ANO4: variants seen among roughly 807,000 people sequenced by gnomAD.
The protein encoded by ANO4 is anoctamin-4.
ANO4 carries 69 observed loss-of-function variants against 141.9 expected under a neutral mutation model. The observed-to-expected ratio is 0.49, with a 90% CI of 0.40 to 0.59. The LOEUF (loss-of-function observed/expected upper bound fraction) is 0.59, where lower values mean the gene tolerates loss of function less well. Among genes scored for constraint, ANO4 ranks in the 20% least tolerant of loss-of-function variants. The pLI is 0.00. For missense variants in ANO4, 894 were observed against 1,162.2 expected (o/e 0.77, Z 3.36); for synonymous variants, 350 against 394.3 (o/e 0.89, Z 1.33).
chr12:100,800,107 T>C (rs1309379323), intron 1 of ANO4, among the ~76,000 whole-genome samples: 4 of 152,226 alleles, frequency 2.6e-5, no homozygotes, highest in Non-Finnish European at 5.9e-5. Context: ...TGCATTTTTA[T>C]GTTGAAATTC....
intron 1 of ANO4, among the ~76,000 whole-genome samples, chr12:100,835,195 G>C (rs1009677787): frequency 2.6e-5 from 4 of 152,156 alleles, no homozygotes; most frequent in Non-Finnish European, 5.9e-5. Context: ...ATCTCTGCTT[G>C]TCTGTGAGCT....
chr12:100,747,022 T>G (rs1472612064), intron 3 of ANO4, among the ~76,000 whole-genome samples: 1 of 152,206 alleles, frequency 6.6e-6, no homozygotes, highest in Non-Finnish European at 1.5e-5. Flanking sequence ...GGGGGTTGTT[T>G]TGTGCATTGT....
chr12:100,965,455 C>T lies in ANO4; in HGVS notation c.457-5851C>T, dbSNP rs888604428. ...ACCATTCTCTGCAAAACATGCAGCA[C>T]GCACTTTTGGAAACAAGTGATCCCT... On this transcript the variant is annotated intron_variant, in intron 5 of 27. Transcript: ENST00000392977. Among the ~76,000 whole-genome samples the T allele has an allele frequency of 1.5e-3, 225 of 152,232 alleles. 2 individuals are homozygous for T. Among genetic ancestry groups the T allele is most frequent in the African/African-American group, 5.1e-3 (213 of 41,534 alleles).
intron 3 of ANO4, among the ~76,000 whole-genome samples, chr12:100,750,396 G>A (rs1457197139): frequency 1.3e-4 from 19 of 150,666 alleles, no homozygotes; most frequent in Admixed American, 1.2e-3. Context: ...CACCTGCCTC[G>A]GCTTCTCAAA....
At chr12:100,902,563 T>C (rs542230429) in intron 2 of ANO4, among the ~76,000 whole-genome samples, 2 of 152,316 alleles carry the variant, frequency 1.3e-5, no homozygotes, top group East Asian at 3.9e-4. Flanking sequence ...CATAAGTCAT[T>C]GAGAATAACT....
chr12:101,000,716 T>C (rs1421759697), intron 8 of ANO4, among the ~76,000 whole-genome samples: 1 of 152,192 alleles, frequency 6.6e-6, no homozygotes, highest in African/African-American at 2.4e-5. Flanking sequence ...GATTTGTGCT[T>C]CTCAAGATCA....
chr12:101,126,343 G>A (rs1008654789), intron 26 of ANO4, among the ~76,000 whole-genome samples: 6 of 152,068 alleles, frequency 3.9e-5, no homozygotes, highest in Non-Finnish European at 7.4e-5. Flanking sequence ...TTCAAGTAAA[G>A]AATTTGTGAC....
intron 26 of ANO4, among the ~76,000 whole-genome samples, chr12:101,126,183 A>ATACT (rs565009144): frequency 6.6e-6 from 1 of 152,242 alleles, no homozygotes; most frequent in Non-Finnish European, 1.5e-5. Context: ...AAAACGAAGA[A>ATACT]TACTTAGCAG....
chr12:100,942,775 A>G (rs1481186104), intron 5 of ANO4, among the ~76,000 whole-genome samples: 1 of 152,186 alleles, frequency 6.6e-6, no homozygotes, highest in Non-Finnish European at 1.5e-5. Flanking sequence ...AATTAAATGG[A>G]TTGTTTCAAA....
chr12:100,875,234 G>T (rs992203676), intron 1 of ANO4, among the ~76,000 whole-genome samples: 1 of 152,108 alleles, frequency 6.6e-6, no homozygotes, highest in Non-Finnish European at 1.5e-5. Flanking sequence ...TCATGGCGGT[G>T]GATTTTCCCC....
chr12:100,998,434 C>T (rs950931235), intron 8 of ANO4, among the ~76,000 whole-genome samples: 3 of 149,412 alleles, frequency 2.0e-5, no homozygotes, highest in Admixed American at 2.0e-4. Flanking sequence ...TAGTTCTGTC[C>T]CTCTAGAGAA....
chr12:101,042,423 TTGTC>T lies in ANO4; in HGVS notation c.1111_1114del (p.Val371PhefsTer36). The T allele has an allele frequency of 6.2e-7, 1 of 1,614,154 alleles. No homozygotes were observed. The highest frequency in any genetic ancestry group is 8.5e-7 in the Non-Finnish European group (1 of 1,180,016). ...TTCCCAGCTGCCTTCATTGGATTGT[TTGTC>T]TTTTTGTATGGCGTCACCACTCTGG... On this transcript the variant is annotated frameshift_variant, in exon 12 of 28. Transcript: ENST00000392977. LOFTEE classifies it high-confidence loss of function.
intron 5 of ANO4, among the ~76,000 whole-genome samples, chr12:100,958,107 C>A (rs1173728634): frequency 6.6e-6 from 1 of 152,198 alleles, no homozygotes; most frequent in Non-Finnish European, 1.5e-5. Flanking sequence ...TCTCTCACTC[C>A]TTTATTCCTT....
intron 5 of ANO4, among the ~76,000 whole-genome samples, chr12:100,966,880 C>CAT (rs1190686275): frequency 7.8e-6 from 1 of 128,888 alleles, no homozygotes; most frequent in Non-Finnish European, 1.7e-5. Flanking sequence ...TATACACACA[C>CAT]ACATACACAC....
intron 11 of ANO4, among the ~76,000 whole-genome samples, chr12:101,041,970 G>A (rs1054623935): frequency 1.3e-5 from 2 of 152,014 alleles, no homozygotes; most frequent in South Asian, 2.1e-4. Flanking sequence ...CATATCTCTC[G>A]AATCGGGCCC....
At chr12:101,002,194 A>G (rs772400981) in intron 8 of ANO4, among the ~76,000 whole-genome samples, 2 of 152,188 alleles carry the variant, frequency 1.3e-5, no homozygotes, top group Non-Finnish European at 2.9e-5. Flanking sequence ...CTCATGTCAC[A>G]GGACATTTGC....
Position 100,781,098 on chromosome 12 carries a change from A to G in ANO4, c.358+40993A>G, listed in dbSNP as rs185998646. On this transcript the variant is annotated intron_variant, in intron 3 of 29. Coordinates refer to the ANO4 transcript ENST00000644049. ...GTAACAAATTTAGCAAAATTCTGTC[A>G]TAGCTTTTAACTTGAACTCACAAGT... Among the ~76,000 whole-genome samples, 26 of 152,340 alleles carry G rather than the reference A, an allele frequency of 1.7e-4. No individual in the cohort carries two copies. The East Asian group carries it at 4.8e-3, about 28-fold the overall frequency.
At chr12:101,004,383 C>T (rs1592987269) in intron 8 of ANO4, among the ~76,000 whole-genome samples, 1 of 151,976 alleles carries the variant, frequency 6.6e-6, no homozygotes, top group Non-Finnish European at 1.5e-5. Context: ...ACGGAGTGAG[C>T]CTAGTTTGGG....
At chr12:100,765,866 T>G (rs1194713053) in intron 3 of ANO4, among the ~76,000 whole-genome samples, 2 of 151,448 alleles carry the variant, frequency 1.3e-5, no homozygotes, top group Non-Finnish European at 2.9e-5. Context: ...TCAACTAGTT[T>G]TTTTTTTTTG....
Sources: gnomAD v4.1 joint callset for allele counts (sites outside exome capture counted in the v4.1 genomes callset) on GRCh38, gnomAD v4.1.1 for gene constraint, MANE v1.5 for transcripts, NCBI Gene and HGNC (gene_info 2026-07-23, HGNC 2026-07-21) for gene names.